The following EDIL3 variants were observed in gnomAD, a reference collection of about 807,000 sequenced individuals.
The protein encoded by EDIL3 is EGF like and discoidin domains 3, also known as EGF-like repeat and discoidin I-like domain-containing protein 3.
A neutral mutation model predicts 67.4 loss-of-function variants in EDIL3; 37 were observed. That is an observed-to-expected ratio of 0.55 (90% CI 0.42 to 0.72). The LOEUF (loss-of-function observed/expected upper bound fraction) is 0.72. Ranked by LOEUF, EDIL3 falls within the 30% of genes least tolerant of loss-of-function variation. The pLI, the probability that EDIL3 is intolerant of heterozygous loss-of-function variation, is 0.00. For synonymous variants in EDIL3, 195 were observed against 196.3 expected (o/e 0.99, Z 0.05); for missense variants, 527 against 586.3 (o/e 0.90, Z 1.04).
chr5:83,956,362 A>AT (rs1015340935), intron 10 of EDIL3, among the ~76,000 whole-genome samples: 8 of 151,440 alleles, frequency 5.3e-5, no homozygotes, highest in South Asian at 2.1e-4. Context: ...ACTTGCATCC[A>AT]TTTTTTTCTG....
chr5:84,306,629 C>A (rs1161512991), intron 1 of EDIL3, among the ~76,000 whole-genome samples: 1 of 152,202 alleles, frequency 6.6e-6, no homozygotes, highest in Non-Finnish European at 1.5e-5. Context: ...AAGTTTCAAA[C>A]ACAAATCAAT....
At chr5:83,963,076 T>C (rs1744631370) in intron 10 of EDIL3, 129 bp downstream of exon 10, 1 of 1,211,594 alleles carries the variant, frequency 8.3e-7, no homozygotes, top group Non-Finnish European at 1.1e-6. Context: ...AAGCTTTTTA[T>C]TTAACATATA....
intron 1 of EDIL3, among the ~76,000 whole-genome samples, chr5:84,324,904 T>A (rs925608683): frequency 6.1e-5 from 9 of 148,036 alleles, no homozygotes; most frequent in African/African-American, 2.0e-4. Context: ...GAAGATTTAA[T>A]CAGGAGTCAA....
At chr5:84,338,862 G>A (rs971548033) in intron 1 of EDIL3, among the ~76,000 whole-genome samples, 8 of 152,010 alleles carry the variant, frequency 5.3e-5, no homozygotes, top group African/African-American at 1.9e-4. Context: ...TACTTTCAAG[G>A]GCCTTGCACT....
chr5:84,077,806 C>A (rs1746888052), intron 6 of EDIL3, among the ~76,000 whole-genome samples: 1 of 151,992 alleles, frequency 6.6e-6, no homozygotes, highest in Non-Finnish European at 1.5e-5. Flanking sequence ...TCCTCCTCCT[C>A]TTTCTTTTCT....
At chr5:84,080,165 G>T (rs1360486855) in intron 6 of EDIL3, among the ~76,000 whole-genome samples, 1 of 144,882 alleles carries the variant, frequency 6.9e-6, no homozygotes, top group South Asian at 2.3e-4. Context: ...GCGTGGTGGC[G>T]GGCGCCTGTA....
intron 3 of EDIL3, among the ~76,000 whole-genome samples, chr5:84,202,933 T>A (rs1454024878): frequency 6.6e-6 from 1 of 151,898 alleles, no homozygotes; most frequent in Non-Finnish European, 1.5e-5. Flanking sequence ...GTACTATCCA[T>A]AAAGGAACAA....
intron 9 of EDIL3, among the ~76,000 whole-genome samples, chr5:84,019,926 G>T (rs552826668): frequency 6.6e-6 from 1 of 151,680 alleles, no homozygotes; most frequent in Non-Finnish European, 1.5e-5. Flanking sequence ...CTGGACTGTC[G>T]CCCCACAGTG....
chr5:84,267,021 TA>T (rs1745365504), intron 1 of EDIL3, among the ~76,000 whole-genome samples: 1 of 152,164 alleles, frequency 6.6e-6, no homozygotes, highest in Non-Finnish European at 1.5e-5. Flanking sequence ...ATGGAAAAAA[TA>T]AATTTTATGA....
At chr5:84,199,414 G>A (rs996650872) in intron 3 of EDIL3, among the ~76,000 whole-genome samples, 6 of 151,872 alleles carry the variant, frequency 4.0e-5, no homozygotes, top group Non-Finnish European at 8.8e-5. Context: ...ATGGTTTTCT[G>A]CTTGACAATA....
intron 6 of EDIL3, among the ~76,000 whole-genome samples, chr5:84,081,425 AG>A (rs1335863298): frequency 2.6e-5 from 4 of 152,218 alleles, no homozygotes; most frequent in African/African-American, 9.6e-5. Flanking sequence ...AGGAATAAAA[AG>A]AGCAAACGAT....
intron 9 of EDIL3, among the ~76,000 whole-genome samples, chr5:83,976,698 T>A (rs552563919): frequency 2.2e-4 from 33 of 151,904 alleles, no homozygotes; most frequent in African/African-American, 7.2e-4. Context: ...TAACCCTGTT[T>A]AGCCTGTCCT....
At chr5:84,359,105 C>T (rs576839507) in intron 1 of EDIL3, among the ~76,000 whole-genome samples, 2 of 152,230 alleles carry the variant, frequency 1.3e-5, no homozygotes, top group South Asian at 4.1e-4. Context: ...ACCCACAAAT[C>T]AAGATAAACA....
At position 84,311,312 on chromosome 5, in the gene EDIL3, C is replaced by CTT. The variant is rs900034474; in HGVS notation, c.68-57102_68-57101dup. Among the ~76,000 whole-genome samples the CTT allele has an allele frequency of 7.0e-4, 66 of 93,898 alleles. 2 individuals are homozygous for CTT. Among genetic ancestry groups the CTT allele is most frequent in the Middle Eastern group, 6.4e-3 (1 of 156 alleles). The allele number at this position is 93,898 out of a possible 152,430, so 61.6% of individuals were successfully genotyped here. On this transcript the variant is annotated intron_variant, in intron 1 of 10. Transcript: ENST00000296591. The stretch of plus-strand genomic sequence containing the variant: ...ACCCTCCCACTATTCAATGTATTTT[C>CTT]TTTTTTTTTTTCTTTTTTTTTTTTT...
rs953507166 is a variant in EDIL3 at position 84,384,641 on chromosome 5, G to A, written c.-267C>T. 1 of 257,260 alleles carries A rather than the reference G, an allele frequency of 3.9e-6. No homozygotes were observed. The highest frequency in any genetic ancestry group is 7.3e-6 in the Non-Finnish European group (1 of 136,566). The allele number at this position is 257,260 out of a possible 1,614,324, so 15.9% of individuals were successfully genotyped here. A position where few individuals can be genotyped will look rare whatever the true frequency, so the allele number is the denominator to read the frequency against. Reference sequence around the variant, plus strand: ...GAGCCGCCGGCGGGCTCAGCCCTCCGCTGCGGGTGGGTCCCGGCAGAGGCG... The same window carrying A: ...GAGCCGCCGGCGGGCTCAGCCCTCCACTGCGGGTGGGTCCCGGCAGAGGCG... On this transcript the variant is annotated 5_prime_UTR_variant, in exon 1 of 11. Transcript: ENST00000296591.
In EDIL3 at chr5:84,163,547, T is replaced by C. The variant is rs188333001; in HGVS notation, c.355+16846A>G. ...ACACTAAATATCTTGGATGACTTTA[T>C]TAATAAAAAAGTCATGGATAGCTCA... On this transcript the variant is annotated intron_variant, in intron 4 of 10. Coordinates refer to ENST00000296591, the MANE Select transcript of EDIL3 (RefSeq NM_005711.5). Among the ~76,000 whole-genome samples, 27 of 152,204 alleles carry C rather than the reference T, an allele frequency of 1.8e-4. No homozygotes were observed. In the East Asian group the frequency reaches 4.8e-3, roughly 27 times the overall value.
chr5:83,950,324 A>T (rs1420694639), intron 10 of EDIL3, among the ~76,000 whole-genome samples: 1 of 151,858 alleles, frequency 6.6e-6, no homozygotes, highest in Non-Finnish European at 1.5e-5. Context: ...TGATGTCAAA[A>T]GTGAGGGTGG....
chr5:84,305,909 A>AG (rs200806037), intron 1 of EDIL3, among the ~76,000 whole-genome samples: 38,802 of 150,902 alleles, frequency 0.26, 5,811 homozygotes, highest in Non-Finnish European at 0.35. Context: ...ATAAATAAAT[A>AG]AATAAATAAA....
rs573955513 is a variant in EDIL3 at position 84,163,369 on chromosome 5, A to G, written c.355+17024T>C. Reference sequence around the variant, plus strand: ...ATGTCACTTACATTCCTATGAGACTATACCTTAAAGAGAAACTGAAATACG... The same window carrying G: ...ATGTCACTTACATTCCTATGAGACTGTACCTTAAAGAGAAACTGAAATACG... On this transcript the variant is annotated intron_variant, in intron 4 of 10. Transcript: ENST00000296591. Among the ~76,000 whole-genome samples, 22 of 152,254 alleles carry G rather than the reference A, an allele frequency of 1.4e-4. No homozygotes were observed. In the South Asian group the frequency reaches 3.3e-3, roughly 23 times the overall value.
Sources: allele counts gnomAD v4.1 joint callset (sites outside exome capture counted in the v4.1 genomes callset), GRCh38; gene constraint gnomAD v4.1.1; transcripts MANE v1.5; gene names NCBI Gene and HGNC (gene_info 2026-07-23, HGNC 2026-07-21).